HGF: variants seen among roughly 807,000 people sequenced by gnomAD.
The protein encoded by HGF is hepatocyte growth factor.
Under a neutral mutation model 111.6 loss-of-function variants are expected in HGF, and 39 were observed. The observed-to-expected ratio is 0.35, with a 90% CI of 0.27 to 0.46. The LOEUF is 0.46. Ranked by LOEUF, HGF falls within the 20% of genes least tolerant of loss-of-function variation. The pLI, the probability that HGF is intolerant of heterozygous loss-of-function variation, is 1.00. For missense variants in HGF, 735 were observed against 910.5 expected, an observed-to-expected ratio of 0.81 and a Z score of 2.48; for synonymous variants, 285 against 294.8, an observed-to-expected ratio of 0.97 and a Z score of 0.34.
chr7:81,755,952 G>A, intron 4 of HGF: 1 of 697,538 alleles, frequency 1.4e-6, no homozygotes, highest in South Asian at 1.5e-5. Context: ...TTTTCTTTCT[G>A]TGTTGGTCAA....
chr7:81,746,249 A>G (rs922599649), intron 5 of HGF, among the ~76,000 whole-genome samples: 1 of 152,126 alleles, frequency 6.6e-6, no homozygotes, highest in Non-Finnish European at 1.5e-5. Flanking sequence ...GCTTTCCTTC[A>G]TTTATATTAA....
rs539702697 is a variant in HGF at position 81,702,357 on chromosome 7, T to C, written c.*224A>G. ...ATTCAAGTATCTTCAGGAGATATGT[T>C]ATTACACTTGCATGTACCTTAATTC... On this transcript the variant is annotated 3_prime_UTR_variant, in exon 18 of 18. Coordinates refer to ENST00000222390, the MANE Select transcript of HGF (RefSeq NM_000601.6). 32 of 503,886 alleles carry C rather than the reference T, an allele frequency of 6.4e-5. 1 individual carries two copies. In the South Asian group the frequency reaches 7.7e-4, roughly 12 times the overall value. 31.2% of individuals were successfully genotyped at this position (503,886 alleles called of 1,614,324 possible).
Position 81,766,071 on chromosome 7 carries a change from T to G in HGF, c.89-3199A>C, listed in dbSNP as rs147909457. On this transcript the variant is annotated intron_variant, in intron 1 of 17. Coordinates refer to ENST00000222390, the MANE Select transcript of HGF (RefSeq NM_000601.6). ...CCTGAAGAACCTGAAGTCCCTGTTTTAGAGCTGAAATCATTAGGATCCTAG... is the reference window on the plus strand; with the variant it reads ...CCTGAAGAACCTGAAGTCCCTGTTTGAGAGCTGAAATCATTAGGATCCTAG... Among the ~76,000 whole-genome samples the G allele has an allele frequency of 3.3e-5, 5 of 152,324 alleles. No homozygotes were observed. The East Asian group carries it at 9.7e-4, about 29-fold the overall frequency.
At chr7:81,748,663 T>TAAAACAAAACAAAAC (rs10654214) in intron 5 of HGF, among the ~76,000 whole-genome samples, 89 of 150,190 alleles carry the variant, frequency 5.9e-4, no homozygotes, top group Middle Eastern at 3.5e-3. Context: ...AGTTCTCCTC[T>TAAAACAAAACAAAAC]AAAACAAAAC....
At chr7:81,703,969 C>T (rs571688892) in intron 17 of HGF, among the ~76,000 whole-genome samples, 95 of 151,758 alleles carry the variant, frequency 6.3e-4, no homozygotes, top group Non-Finnish European at 1.2e-3. Context: ...AGACAAACTC[C>T]TCAAAGTAAT....
intron 7 of HGF, among the ~76,000 whole-genome samples, chr7:81,736,894 G>GGT (rs368271908): frequency 0.025 from 3,502 of 142,028 alleles, 69 homozygotes; most frequent in African/African-American, 0.058. Context: ...TGTGTAGAGG[G>GGT]GTGTGTGTGT....
chr7:81,704,874 G>C (rs1404449932), intron 17 of HGF, among the ~76,000 whole-genome samples: 1 of 151,718 alleles, frequency 6.6e-6, no homozygotes, highest in Non-Finnish European at 1.5e-5. Context: ...GTCCAAGCTC[G>C]TAAAGTCACA....
In HGF at chr7:81,742,722, A is replaced by G; in HGVS notation, c.865+631T>C. 3 of 1,424,410 alleles carry G rather than the reference A, an allele frequency of 2.1e-6. No homozygotes were observed. In the South Asian group the frequency reaches 4.6e-5, roughly 22 times the overall value. 88.2% of individuals were successfully genotyped at this position (1,424,410 alleles called of 1,614,324 possible). A position where few individuals can be genotyped will look rare whatever the true frequency, so the allele number is the denominator to read the frequency against. On this transcript the variant is annotated intron_variant, in intron 7 of 17. Coordinates refer to ENST00000222390, the MANE Select transcript of HGF (RefSeq NM_000601.6). ...AAAAAATAGTTTTTATTGTAAATTC[A>G]GAAAAGCTAGGTAAGGGCCAGCATG...
chr7:81,710,117 T>C (rs1789532942), intron 13 of HGF, 30 bp downstream of exon 13: 1 of 1,340,276 alleles, frequency 7.5e-7, no homozygotes, highest in Non-Finnish European at 1.1e-6. Flanking sequence ...ATATTCTGGA[T>C]ATGCATGACT....
chr7:81,758,573 T>A lies in HGF; in HGVS notation c.367+119A>T, dbSNP rs1349293034. The stretch of plus-strand genomic sequence containing the variant: ...TGTCTTAATGGATGAATTGACTACA[T>A]AAAATATCTCATATATAGTAGAAAA... On this transcript the variant is annotated intron_variant, in intron 3 of 17. Coordinates refer to ENST00000222390, the MANE Select transcript of HGF (RefSeq NM_000601.6). 4.4e-6 allele frequency: 3 copies of A among 687,148 alleles called. No individual in the cohort carries two copies. The African/African-American group carries it at 5.4e-5, about 12-fold the overall frequency. The allele number at this position is 687,148 out of a possible 1,614,324, so 42.6% of individuals were successfully genotyped here. A position where few individuals can be genotyped will look rare whatever the true frequency, so the allele number is the denominator to read the frequency against.
intron 1 of HGF, among the ~76,000 whole-genome samples, chr7:81,769,341 C>T (rs1469278768): frequency 6.6e-6 from 1 of 152,158 alleles, no homozygotes; most frequent in Non-Finnish European, 1.5e-5. Context: ...TAAAAAGAGG[C>T]TTTCTCTTTC....
chr7:81,748,302 A>C (rs17155436), intron 5 of HGF, among the ~76,000 whole-genome samples: 9,104 of 152,190 alleles, frequency 0.06, 926 homozygotes, highest in African/African-American at 0.21. Context: ...TCTCCTGTTG[A>C]AGTCTCATCT....
chr7:81,761,786 G>C (rs1789093938), intron 2 of HGF, among the ~76,000 whole-genome samples: 2 of 150,768 alleles, frequency 1.3e-5, no homozygotes, highest in Admixed American at 6.6e-5. Flanking sequence ...TTTTTCCAAG[G>C]GTGTGGAGTG....
rs1371257841 is a variant in HGF, at chr7:81,726,016, C to A, written c.1042G>T (p.Asp348Tyr). ...DMTPENFKCK[D>Y]LRENYCRNPD... ...TTTCGGCAGTAATTTTCTCGTAGGT[C>A]CCTATTGAGAATAAGCATGTTAATG... Residue 348 changes from aspartate to tyrosine, a missense_variant and splice_region_variant, in exon 9 of 18, where the codon GAC (aspartate) becomes TAC (tyrosine). By Grantham distance (160) the Asp-to-Tyr change is radical. Around this residue, in one of 3 missense-constraint regions of HGF, gnomAD observed 553 missense variants for 685.6 expected, o/e 0.81. Coordinates refer to ENST00000222390, the MANE Select transcript of HGF (RefSeq NM_000601.6). 1 of 1,613,788 alleles carries A rather than the reference C, an allele frequency of 6.2e-7. No homozygotes were observed.
At chr7:81,751,842 T>G (rs927874150) in intron 5 of HGF, 7 of 1,262,624 alleles carry the variant, frequency 5.5e-6, no homozygotes, top group Non-Finnish European at 7.0e-6. Context: ...CTCAAGACAG[T>G]AGGTAAGTAA....
chr7:81,705,823 G>T, intron 15 of HGF, 70 bp from the exon 16 acceptor site: 1 of 885,232 alleles, frequency 1.1e-6, no homozygotes, highest in Non-Finnish European at 1.9e-6. Context: ...ATTAAATGTA[G>T]TGTTCATGTT....
chr7:81,739,400 A>G (rs1216117276), intron 7 of HGF, among the ~76,000 whole-genome samples: 1 of 152,108 alleles, frequency 6.6e-6, no homozygotes, highest in Non-Finnish European at 1.5e-5. Context: ...CTTGTGACCT[A>G]AGGTTTTAAG....
chr7:81,765,715 A>C (rs1412235447), intron 1 of HGF, among the ~76,000 whole-genome samples: 1 of 152,222 alleles, frequency 6.6e-6, no homozygotes, highest in Admixed American at 6.5e-5. Flanking sequence ...TCAAAACAGA[A>C]GTCATTCAAA....
chr7:81,722,517 A>C (rs1789890247), intron 9 of HGF, among the ~76,000 whole-genome samples: 1 of 151,900 alleles, frequency 6.6e-6, no homozygotes, highest in African/African-American at 2.4e-5. Context: ...CAAGTTCTTC[A>C]AAAAATATAA....
Sources: allele counts gnomAD v4.1 joint callset (sites outside exome capture counted in the v4.1 genomes callset), GRCh38; gene constraint gnomAD v4.1.1; regional missense constraint gnomAD v4.1.1; transcripts MANE v1.5; gene names NCBI Gene and HGNC (gene_info 2026-07-23, HGNC 2026-07-21).